The following TLL1 variants were observed in gnomAD, a reference collection of about 807,000 sequenced individuals.
TLL1 encodes tolloid-like protein 1.
In TLL1, 49 loss-of-function variants were observed where a neutral mutation model predicts 128.2. That is an observed-to-expected ratio of 0.38 (90% CI 0.30 to 0.48). TLL1 has a LOEUF of 0.48. TLL1 is among the 20% of genes least tolerant of loss of function. The pLI, the probability that TLL1 is intolerant of heterozygous loss-of-function variation, is 0.96. For synonymous variants in TLL1, 454 were observed against 418.8 expected, an observed-to-expected ratio of 1.08 and a Z score of -1.03; for missense variants, 1,123 against 1,242.0, an observed-to-expected ratio of 0.90 and a Z score of 1.44.
At chr4:166,036,871 T>C (rs1017865556) in intron 9 of TLL1, among the ~76,000 whole-genome samples, 1 of 151,676 alleles carries the variant, frequency 6.6e-6, no homozygotes, top group Admixed American at 6.6e-5. Flanking sequence ...GCAATCCAAA[T>C]GCACTTTTTA....
intron 8 of TLL1, among the ~76,000 whole-genome samples, chr4:166,024,993 T>A (rs920176727): frequency 6.6e-6 from 1 of 152,160 alleles, no homozygotes; most frequent in Non-Finnish European, 1.5e-5. Context: ...ATCACTGGCC[T>A]GAATCTGAAC....
chr4:165,939,471 T>C (rs967248702), intron 1 of TLL1, among the ~76,000 whole-genome samples: 6 of 152,116 alleles, frequency 3.9e-5, no homozygotes, highest in Admixed American at 2.6e-4. Flanking sequence ...TGTAGCTTAA[T>C]AGATCTGAAT....
At chr4:166,001,395 C>A (rs185801380) in intron 5 of TLL1, among the ~76,000 whole-genome samples, 26 of 152,174 alleles carry the variant, frequency 1.7e-4, no homozygotes, top group African/African-American at 5.5e-4. Flanking sequence ...CTTTCCCACC[C>A]TGTGTCCCAA....
intron 10 of TLL1, among the ~76,000 whole-genome samples, chr4:166,041,790 T>C (rs1004765182): frequency 6.6e-6 from 1 of 152,362 alleles, no homozygotes; most frequent in Non-Finnish European, 1.5e-5. Context: ...GTAACAATAC[T>C]GACATCAGTC....
At chr4:165,926,137 C>T (rs1215128472) in intron 1 of TLL1, among the ~76,000 whole-genome samples, 2 of 152,010 alleles carry the variant, frequency 1.3e-5, no homozygotes, top group Non-Finnish European at 2.9e-5. Context: ...AGAATTGTTT[C>T]TATGGTATTT....
At chr4:166,026,156 G>C (rs1391074974) in intron 9 of TLL1, among the ~76,000 whole-genome samples, 1 of 152,092 alleles carries the variant, frequency 6.6e-6, no homozygotes, top group Non-Finnish European at 1.5e-5. Flanking sequence ...GGGAGGCCAA[G>C]GTGGGCGGAT....
At chr4:166,095,010 A>G in intron 19 of TLL1, among the ~76,000 whole-genome samples, 1 of 152,184 alleles carries the variant, frequency 6.6e-6, no homozygotes, top group East Asian at 1.9e-4. Context: ...AAGACAGCCA[A>G]GTCCAGTACC....
intron 9 of TLL1, among the ~76,000 whole-genome samples, chr4:166,033,612 A>T (rs1332274623): frequency 6.6e-6 from 1 of 152,212 alleles, no homozygotes; most frequent in Non-Finnish European, 1.5e-5. Context: ...TGTATACATA[A>T]GTATGGTTAA....
At chr4:166,021,416 T>C (rs1036058298) in intron 8 of TLL1, among the ~76,000 whole-genome samples, 3 of 150,386 alleles carry the variant, frequency 2.0e-5, no homozygotes, top group Non-Finnish European at 3.0e-5. Context: ...TCCTGGGTTA[T>C]TACTATTATT....
chr4:166,093,121 A>T (rs1337026972), intron 19 of TLL1, among the ~76,000 whole-genome samples: 1 of 152,138 alleles, frequency 6.6e-6, no homozygotes, highest in Non-Finnish European at 1.5e-5. Context: ...GGGACGAGAG[A>T]CTGAGAAAAG....
At chr4:165,919,478 T>C (rs565569921) in intron 1 of TLL1, among the ~76,000 whole-genome samples, 8 of 152,056 alleles carry the variant, frequency 5.3e-5, no homozygotes, top group African/African-American at 1.7e-4. Context: ...TTTTATGATA[T>C]TATTACAATT....
At chr4:165,960,428 G>C (rs1735038645) in intron 1 of TLL1, among the ~76,000 whole-genome samples, 1 of 151,990 alleles carries the variant, frequency 6.6e-6, no homozygotes, top group Admixed American at 6.6e-5. Context: ...TATTCCAAAA[G>C]TGAAGGAGGA....
At chr4:166,048,807 G>T (rs1739581425) in intron 12 of TLL1, among the ~76,000 whole-genome samples, 3 of 152,134 alleles carry the variant, frequency 2.0e-5, no homozygotes, top group African/African-American at 7.2e-5. Flanking sequence ...TGAGGTACTT[G>T]TCAACATTAC....
chr4:165,953,610 T>C (rs1329393363), intron 1 of TLL1, among the ~76,000 whole-genome samples: 2 of 131,360 alleles, frequency 1.5e-5, no homozygotes, highest in East Asian at 4.1e-4. Flanking sequence ...TCGAGATAGG[T>C]CATCTATTTG....
At chr4:165,878,919 C>CTT (rs1730841900) in intron 1 of TLL1, among the ~76,000 whole-genome samples, 1 of 111,970 alleles carries the variant, frequency 8.9e-6, no homozygotes, top group Non-Finnish European at 1.8e-5. Flanking sequence ...ATGATGGCTT[C>CTT]CTTTTTTTTT....
intron 15 of TLL1, 37 bp from the exon 16 acceptor site, chr4:166,065,646 C>T (rs1740534722): frequency 1.4e-5 from 22 of 1,602,868 alleles, no homozygotes; most frequent in Non-Finnish European, 1.9e-5. Context: ...ATCTTGTACT[C>T]ACAAATCTGG....
rs1332219000 is a variant in TLL1, at chr4:165,883,796, A to G, written c.169+9723A>G. Among the ~76,000 whole-genome samples the G allele has an allele frequency of 5.9e-5, 9 of 152,312 alleles. No homozygotes were observed. The East Asian group carries it at 1.5e-3, about 26-fold the overall frequency. Reference sequence around the variant, plus strand: ...TTCAATTGAGAAGATAAATCCCCCCAATAGACCTTGTTTTAAAAGATACCA... The same window carrying G: ...TTCAATTGAGAAGATAAATCCCCCCGATAGACCTTGTTTTAAAAGATACCA... On this transcript the variant is annotated intron_variant, in intron 1 of 20. Transcript: ENST00000061240.
At position 165,994,401 on chromosome 4, in the gene TLL1, G is replaced by T; in HGVS notation, c.382G>T (p.Val128Phe). Residue 128 changes from valine to phenylalanine, a missense_variant, in exon 4 of 21, where the codon GTT becomes TTT. Coordinates refer to ENST00000061240, the MANE Select transcript of TLL1 (RefSeq NM_012464.5). ...TGCAGGCTTGGAGCAAAACAACACA[G>T]TTAAGGGAAAAGTACCTCTACAATT... ...IGFGLEQNNT[V>F]KGKVPLQFSG... 6.2e-7 allele frequency: 1 copy of T among 1,613,946 alleles called. No individual in the cohort carries two copies.
intron 12 of TLL1, chr4:166,044,475 T>G: frequency 6.8e-7 from 1 of 1,479,548 alleles, no homozygotes; most frequent in Non-Finnish European, 9.1e-7. Context: ...TCCCCTTGCA[T>G]GTACCATTTA....
Sources: allele counts gnomAD v4.1 joint callset (sites outside exome capture counted in the v4.1 genomes callset), GRCh38; gene constraint gnomAD v4.1.1; transcripts MANE v1.5; gene names NCBI Gene and HGNC (gene_info 2026-07-23, HGNC 2026-07-21).